The following GRIK2 variants were observed in gnomAD, a reference collection of about 807,000 sequenced individuals.
GRIK2 encodes glutamate receptor ionotropic, kainate 2.
A neutral mutation model predicts 100.3 loss-of-function variants in GRIK2; 32 were observed. The observed-to-expected ratio is 0.32, with a 90% CI of 0.24 to 0.43. The LOEUF is 0.43. Ranked by LOEUF, GRIK2 falls within the 20% of genes least tolerant of loss-of-function variation. The probability of loss-of-function intolerance (pLI) is 1.00; values close to 1 mark genes in which losing one functional copy is unlikely to be tolerated. For missense variants in GRIK2, 843 were observed against 1,114.9 expected (o/e 0.76, Z 3.47); for synonymous variants, 417 against 389.4 (o/e 1.07, Z -0.83).
intron 6 of GRIK2, among the ~76,000 whole-genome samples, chr6:101,683,431 C>T (rs1216218556): frequency 6.6e-6 from 1 of 152,136 alleles, no homozygotes; most frequent in African/African-American, 2.4e-5. Flanking sequence ...ATACCCATCA[C>T]ACAATTTTCC....
At chr6:101,539,332 T>C (rs1775874870) in intron 2 of GRIK2, among the ~76,000 whole-genome samples, 1 of 151,652 alleles carries the variant, frequency 6.6e-6, no homozygotes, top group African/African-American at 2.4e-5. Flanking sequence ...ATCCAACAAA[T>C]ATAAAGTACT....
intron 7 of GRIK2, among the ~76,000 whole-genome samples, chr6:101,708,616 C>T (rs1159192994): frequency 6.6e-6 from 1 of 151,590 alleles, no homozygotes; most frequent in Admixed American, 6.6e-5. Context: ...TGATTGTCTT[C>T]CGTTACTTAA....
chr6:101,721,814 T>G (rs1222639263), intron 7 of GRIK2, among the ~76,000 whole-genome samples: 2 of 151,996 alleles, frequency 1.3e-5, no homozygotes, highest in Non-Finnish European at 2.9e-5. Flanking sequence ...ATTATTTAAT[T>G]CACTACATGT....
At chr6:101,830,707 A>G (rs1299810082) in intron 10 of GRIK2, among the ~76,000 whole-genome samples, 1 of 151,898 alleles carries the variant, frequency 6.6e-6, no homozygotes, top group Non-Finnish European at 1.5e-5. Flanking sequence ...AAAAGTAAAA[A>G]AAAAAACCCA....
chr6:102,025,920 T>C (rs1252113499), intron 14 of GRIK2, among the ~76,000 whole-genome samples: 1 of 150,572 alleles, frequency 6.6e-6, no homozygotes, highest in Non-Finnish European at 1.5e-5. Flanking sequence ...TGCCTCTAAG[T>C]CTCCTCACCT....
At chr6:101,844,536 G>T (rs1783696098) in intron 10 of GRIK2, among the ~76,000 whole-genome samples, 1 of 152,126 alleles carries the variant, frequency 6.6e-6, no homozygotes, top group African/African-American at 2.4e-5. Context: ...TAGAATAAAT[G>T]TAATTGCTCA....
chr6:101,768,550 G>A (rs1778181817), intron 7 of GRIK2, among the ~76,000 whole-genome samples: 1 of 152,142 alleles, frequency 6.6e-6, no homozygotes, highest in Non-Finnish European at 1.5e-5. Flanking sequence ...ATCAAGAGAG[G>A]ACATAGAATG....
chr6:101,678,787 T>G (rs1231979256), intron 5 of GRIK2, among the ~76,000 whole-genome samples: 1 of 152,246 alleles, frequency 6.6e-6, no homozygotes, highest in African/African-American at 2.4e-5. Context: ...AATAGGACTA[T>G]GCAGAAAAAT....
chr6:101,721,245 G>A (rs927146899), intron 7 of GRIK2, among the ~76,000 whole-genome samples: 1 of 151,908 alleles, frequency 6.6e-6, no homozygotes, highest in Non-Finnish European at 1.5e-5. Context: ...GCAACAAATA[G>A]CATGCAAGTA....
intron 11 of GRIK2, among the ~76,000 whole-genome samples, chr6:101,876,911 T>C (rs1272862763): frequency 6.6e-6 from 1 of 151,940 alleles, no homozygotes; most frequent in Non-Finnish European, 1.5e-5. Flanking sequence ...AATGGACTCA[T>C]TCCCCTACAT....
At position 101,787,223 on chromosome 6, in the gene GRIK2, TTAAC is replaced by T. The variant is rs200373108; in HGVS notation, c.952-12422_952-12419del. 7.7e-3 allele frequency among the ~76,000 whole-genome samples: 1,166 copies of T among 151,876 alleles called. 7 individuals carry two copies. The highest frequency in any genetic ancestry group is 9.8e-3 in the Non-Finnish European group (662 of 67,868). On this transcript the variant is annotated intron_variant, in intron 7 of 16. Transcript: ENST00000369134. ...GGTCTTTCATCTTTTTTTTCTTAGTTTAACTAGAAGTTTGTCAATTTTTTTTAAA... is the reference window on the plus strand; with the variant it reads ...GGTCTTTCATCTTTTTTTTCTTAGTTTAGAAGTTTGTCAATTTTTTTTAAA...
At chr6:101,425,319 A>G (rs970451959) in intron 2 of GRIK2, among the ~76,000 whole-genome samples, 2 of 152,180 alleles carry the variant, frequency 1.3e-5, no homozygotes, top group Non-Finnish European at 2.9e-5. Context: ...CATTAGATTT[A>G]ATAAATACTG....
intron 7 of GRIK2, among the ~76,000 whole-genome samples, chr6:101,739,016 T>A (rs1233961835): frequency 6.6e-6 from 1 of 152,178 alleles, no homozygotes; most frequent in African/African-American, 2.4e-5. Context: ...GTTTCTCTTT[T>A]AACAGATGTC....
chr6:101,876,419 G>A (rs1785844525), intron 11 of GRIK2, among the ~76,000 whole-genome samples: 1 of 151,382 alleles, frequency 6.6e-6, no homozygotes, highest in African/African-American at 2.4e-5. Context: ...TAAGAACCCA[G>A]ATCTAATTAG....
intron 4 of GRIK2, among the ~76,000 whole-genome samples, chr6:101,649,771 G>T (rs1052426592): frequency 6.6e-6 from 1 of 152,100 alleles, no homozygotes; most frequent in Non-Finnish European, 1.5e-5. Context: ...ATTAGACCAG[G>T]TGCCAGCTAA....
chr6:101,764,874 G>A (rs183459251), intron 7 of GRIK2, among the ~76,000 whole-genome samples: 7 of 152,038 alleles, frequency 4.6e-5, no homozygotes, highest in Non-Finnish European at 7.4e-5. Context: ...TAAAATCTAC[G>A]CTCCTAGCCA....
chr6:101,497,374 T>C (rs1295676411), intron 2 of GRIK2, among the ~76,000 whole-genome samples: 4 of 152,220 alleles, frequency 2.6e-5, no homozygotes, highest in African/African-American at 9.6e-5. Context: ...ACATAGCATG[T>C]GCTCAATAAA....
At chr6:101,919,831 T>C (rs1362431663) in intron 12 of GRIK2, among the ~76,000 whole-genome samples, 1 of 151,832 alleles carries the variant, frequency 6.6e-6, no homozygotes, top group Non-Finnish European at 1.5e-5. Flanking sequence ...AGACAATGGA[T>C]TTAAAAGCAA....
At chr6:101,912,461 G>A (rs1441227189) in intron 12 of GRIK2, among the ~76,000 whole-genome samples, 5 of 151,448 alleles carry the variant, frequency 3.3e-5, no homozygotes, top group African/African-American at 7.3e-5. Flanking sequence ...CAAAGATTAT[G>A]TTATCAACAA....
Sources: allele counts gnomAD v4.1 joint callset (sites outside exome capture counted in the v4.1 genomes callset), GRCh38; gene constraint gnomAD v4.1.1; transcripts MANE v1.5; gene names NCBI Gene and HGNC (gene_info 2026-07-23, HGNC 2026-07-21).